SNX29: variants seen among roughly 807,000 people sequenced by gnomAD.
SNX29 encodes the protein sorting nexin-29.
A neutral mutation model predicts 102.1 loss-of-function variants in SNX29; 78 were observed. That is an observed-to-expected ratio of 0.76 (90% confidence interval 0.64 to 0.92). The LOEUF (loss-of-function observed/expected upper bound fraction) is 0.92, where lower values mean the gene tolerates loss of function less well. Ranked by LOEUF, SNX29 falls within the 40% of genes least tolerant of loss-of-function variation. The pLI is 0.00. For synonymous variants in SNX29, 580 were observed against 414.5 expected (o/e 1.40, Z -4.85); for missense variants, 1,280 against 1,061.7 (o/e 1.21, Z -2.86).
Position 12,569,711 on chromosome 16 carries a change from G to C in SNX29, c.*1082G>C, listed in dbSNP as rs1044085269. 1.3e-5 allele frequency: 3 copies of C among 230,530 alleles called. No homozygotes were observed. The highest frequency in any genetic ancestry group is 2.2e-5 in the African/African-American group (1 of 45,168). 14.3% of individuals were successfully genotyped at this position (230,530 alleles called of 1,614,324 possible). The stretch of plus-strand genomic sequence containing the variant: ...ACCTTGGCAGGTGGAGAGGAGGATG[G>C]GGACCAGCAGCTGGGCAGCCCCCAG... On this transcript the variant is annotated 3_prime_UTR_variant, in exon 21 of 21. Transcript: ENST00000566228.
At chr16:12,408,200 G>A (rs2084253839) in intron 18 of SNX29, among the ~76,000 whole-genome samples, 1 of 150,830 alleles carries the variant, frequency 6.6e-6, no homozygotes, top group Non-Finnish European at 1.5e-5. Flanking sequence ...AGAAGCAGCT[G>A]GGACAGTCAC....
chr16:12,289,429 C>G (rs1310630933), intron 15 of SNX29, among the ~76,000 whole-genome samples: 2 of 152,206 alleles, frequency 1.3e-5, no homozygotes, highest in African/African-American at 2.4e-5. Flanking sequence ...TAGTGTTTAT[C>G]CTTGCTGATC....
chr16:12,185,897 G>T (rs1174489200), intron 13 of SNX29, among the ~76,000 whole-genome samples: 1 of 152,156 alleles, frequency 6.6e-6, no homozygotes, highest in East Asian at 1.9e-4. Flanking sequence ...AATAGCGATT[G>T]TACCTCCTTG....
intron 18 of SNX29, among the ~76,000 whole-genome samples, chr16:12,460,970 A>G (rs1042481118): frequency 1.3e-5 from 2 of 152,238 alleles, no homozygotes; most frequent in Non-Finnish European, 2.9e-5. Flanking sequence ...GAACAGGCAC[A>G]TTGCTTTTGC....
At position 12,368,869 on chromosome 16, in the gene SNX29, C is replaced by T. The variant is rs929090681; in HGVS notation, c.1899+12590C>T. Among the ~76,000 whole-genome samples the T allele has an allele frequency of 8.5e-5, 13 of 152,344 alleles. No homozygotes were observed. In the South Asian group the frequency reaches 1.0e-3, roughly 12 times the overall value. On this transcript the variant is annotated intron_variant, in intron 16 of 20. Coordinates refer to ENST00000566228, the MANE Select transcript of SNX29 (RefSeq NM_032167.5). ...CCTTGTTCTCATTTTAGTTACCACC[C>T]ATTCCTTCTTGAAATGGCCTCTCTG...
At chr16:12,062,429 TGGTATG>T (rs2050817974) in intron 9 of SNX29, among the ~76,000 whole-genome samples, 1 of 151,976 alleles carries the variant, frequency 6.6e-6, no homozygotes, top group African/African-American at 2.4e-5. Flanking sequence ...AATATGTCTC[TGGTATG>T]GGTAAGCATT....
At chr16:12,223,930 G>T (rs917895366) in intron 14 of SNX29, among the ~76,000 whole-genome samples, 1 of 152,176 alleles carries the variant, frequency 6.6e-6, no homozygotes, top group Non-Finnish European at 1.5e-5. Flanking sequence ...GACATACGAA[G>T]AAACGTAGCC....
At chr16:12,471,243 C>T (rs9939657) in intron 18 of SNX29, among the ~76,000 whole-genome samples, 23,916 of 152,100 alleles carry the variant, frequency 0.16, 2,497 homozygotes, top group African/African-American at 0.31. Flanking sequence ...TTTCCACCCG[C>T]TTATGGGAGT....
chr16:12,059,440 G>C (rs2151257744), intron 8 of SNX29, among the ~76,000 whole-genome samples: 1 of 152,348 alleles, frequency 6.6e-6, no homozygotes, highest in East Asian at 1.9e-4. Flanking sequence ...CGCGGGAGCG[G>C]CTCTTCTTTT....
intron 19 of SNX29, among the ~76,000 whole-genome samples, chr16:12,506,830 C>G (rs2089401334): frequency 6.6e-6 from 1 of 152,092 alleles, no homozygotes; most frequent in Admixed American, 6.5e-5. Flanking sequence ...CCCAACCCAC[C>G]CACCAAATCC....
intron 18 of SNX29, among the ~76,000 whole-genome samples, chr16:12,409,994 T>G (rs1567534957): frequency 2.0e-5 from 3 of 151,918 alleles, no homozygotes; most frequent in African/African-American, 7.3e-5. Flanking sequence ...TTTGTTGTTG[T>G]TTTGTTTTGT....
intron 20 of SNX29, among the ~76,000 whole-genome samples, chr16:12,564,193 T>A (rs1462297373): frequency 6.7e-6 from 1 of 150,360 alleles, no homozygotes; most frequent in East Asian, 2.0e-4. Flanking sequence ...TTTGAGACCG[T>A]CCTGGGCACC....
At chr16:12,565,761 C>T (rs2078976464) in intron 20 of SNX29, among the ~76,000 whole-genome samples, 2 of 152,308 alleles carry the variant, frequency 1.3e-5, no homozygotes, top group East Asian at 3.9e-4. Flanking sequence ...CTGCCACCTT[C>T]ACCTTTTTTC....
At chr16:12,248,377 C>T (rs560516080) in intron 14 of SNX29, among the ~76,000 whole-genome samples, 13 of 151,864 alleles carry the variant, frequency 8.6e-5, no homozygotes, top group Admixed American at 4.6e-4. Flanking sequence ...TCTTCCTCTC[C>T]CCATCCAGAT....
chr16:12,320,740 C>G (rs1218813098), intron 15 of SNX29, among the ~76,000 whole-genome samples: 1 of 152,162 alleles, frequency 6.6e-6, no homozygotes, highest in Admixed American at 6.5e-5. Flanking sequence ...AGAACAACAT[C>G]ACCATGCATT....
intron 18 of SNX29, among the ~76,000 whole-genome samples, chr16:12,421,910 G>GCCGTCCATCACCATCATCAT (rs987380448): frequency 8.5e-5 from 6 of 70,586 alleles, no homozygotes; most frequent in Admixed American, 1.8e-4. Flanking sequence ...ACCATCACCA[G>GCCGTCCATCACCATCATCAT]CCGTCCATCA....
intron 15 of SNX29, among the ~76,000 whole-genome samples, chr16:12,310,043 C>CAT (rs5815681): frequency 0.71 from 107,171 of 151,896 alleles, 38,741 homozygotes; most frequent in African/African-American, 0.86. Flanking sequence ...TGTGTGCACA[C>CAT]ATATGTACAC....
chr16:12,027,419 G>C lies in SNX29; in HGVS notation c.222G>C (p.Ala74=). The C allele has an allele frequency of 6.2e-7, 1 of 1,614,008 alleles. No individual in the cohort carries two copies. Among genetic ancestry groups the C allele is most frequent in the Non-Finnish European group, 8.5e-7 (1 of 1,179,952 alleles). ...CAGCGGCAGCGATCAAGCAGGCAGC[G>C]GGCTTTGCCAGCAAAACCGAAACAG... ...ALTAAAIKQA[A]GFASKTETEP... Residue 74 remains alanine, a synonymous_variant, in exon 4 of 21, where the codon GCG becomes GCC. Coordinates refer to ENST00000566228, the MANE Select transcript of SNX29 (RefSeq NM_032167.5).
chr16:12,322,036 C>T (rs758338122), intron 15 of SNX29, among the ~76,000 whole-genome samples: 3 of 152,116 alleles, frequency 2.0e-5, no homozygotes, highest in Non-Finnish European at 4.4e-5. Context: ...AGGCTGTCGT[C>T]GGGGTCCCGG....
Sources: allele counts gnomAD v4.1 joint callset (sites outside exome capture counted in the v4.1 genomes callset), GRCh38; gene constraint gnomAD v4.1.1; transcripts MANE v1.5; gene names NCBI Gene and HGNC (gene_info 2026-07-23, HGNC 2026-07-21).